XIRP2: variants seen among roughly 807,000 people sequenced by gnomAD.
XIRP2 encodes xin actin-binding repeat-containing protein 2.
A neutral mutation model predicts 277.0 loss-of-function variants in XIRP2; 236 were observed. That is an observed-to-expected ratio of 0.85 (90% confidence interval 0.77 to 0.95). The LOEUF (loss-of-function observed/expected upper bound fraction) is 0.95. Ranked by LOEUF, XIRP2 falls within the 40% of genes least tolerant of loss-of-function variation. The pLI is 0.00. For missense variants in XIRP2, 4,640 were observed against 4,157.5 expected (o/e 1.12, Z -3.19); for synonymous variants, 1,490 against 1,416.5 (o/e 1.05, Z -1.17).
At chr2:167,093,586 T>G (rs1690212166) in intron 2 of XIRP2, among the ~76,000 whole-genome samples, 1 of 152,212 alleles carries the variant, frequency 6.6e-6, no homozygotes, top group Non-Finnish European at 1.5e-5. Flanking sequence ...TCTGTTCCTG[T>G]GTTAGTTTAC....
intron 3 of XIRP2, among the ~76,000 whole-genome samples, chr2:167,176,816 G>C (rs1466222558): frequency 6.6e-6 from 1 of 152,160 alleles, no homozygotes; most frequent in Admixed American, 6.5e-5. Flanking sequence ...AGCAAGTCCT[G>C]GTAGTTGAGT....
At chr2:167,109,676 T>TAC (rs1690701329) in intron 2 of XIRP2, among the ~76,000 whole-genome samples, 1 of 152,208 alleles carries the variant, frequency 6.6e-6, no homozygotes, top group Non-Finnish European at 1.5e-5. Context: ...AACATATATA[T>TAC]GCATGTGTCT....
intron 2 of XIRP2, among the ~76,000 whole-genome samples, chr2:167,033,296 G>T (rs1440754293): frequency 2.0e-5 from 3 of 152,002 alleles, no homozygotes; most frequent in Non-Finnish European, 1.5e-5. Flanking sequence ...TCAGGGTTTG[G>T]GGGTTTAGGG....
rs371590368 is a variant in XIRP2 at position 166,964,562 on chromosome 2, A to G, written c.408+60672A>G. ...ATCTACCAAAATGCATTGACAAGTC[A>G]GTTGAGAATAAGTTGCTCTTGATCC... On this transcript the variant is annotated intron_variant, in intron 2 of 10. Coordinates refer to ENST00000409195, the MANE Select transcript of XIRP2 (RefSeq NM_152381.6). 1.8e-3 allele frequency among the ~76,000 whole-genome samples: 271 copies of G among 151,980 alleles called. 3 individuals carry two copies. The highest frequency in any genetic ancestry group is 6.1e-3 in the African/African-American group (254 of 41,514).
chr2:167,250,359 T>C lies in XIRP2; in HGVS notation c.8967T>C (p.Ser2989=). 1.2e-6 allele frequency: 2 copies of C among 1,613,480 alleles called. No homozygotes were observed. The highest frequency in any genetic ancestry group is 1.7e-6 in the Non-Finnish European group (2 of 1,179,680). The change falls in exon 9 of 11, where the codon AGT becomes AGC. Residue 2989 remains serine, a synonymous_variant. Coordinates refer to ENST00000409195, the MANE Select transcript of XIRP2 (RefSeq NM_152381.6). ...LLNTIPGWLI[S]EDKREYAVHI... ...ATACTATCCCAGGATGGCTGATAAGTGAAGATAAGAGAGAATATGCAGTTC... is the reference window on the plus strand; with the variant it reads ...ATACTATCCCAGGATGGCTGATAAGCGAAGATAAGAGAGAATATGCAGTTC...
chr2:167,214,661 A>G (rs943687326), intron 4 of XIRP2, among the ~76,000 whole-genome samples: 1 of 151,796 alleles, frequency 6.6e-6, no homozygotes, highest in Admixed American at 6.6e-5. Context: ...CTGCCTCCTC[A>G]GTTCAGGCAA....
At chr2:167,071,854 C>G (rs910776168) in intron 2 of XIRP2, among the ~76,000 whole-genome samples, 5 of 152,096 alleles carry the variant, frequency 3.3e-5, no homozygotes, top group Admixed American at 2.6e-4. Flanking sequence ...GAACCATTTG[C>G]CATTCTCAGA....
chr2:167,259,554 T>C lies in XIRP2; in HGVS notation c.*1737T>C. 1.8e-6 allele frequency: 1 copy of C among 541,372 alleles called. No individual in the cohort carries two copies. The highest frequency in any genetic ancestry group is 3.2e-6 in the Non-Finnish European group (1 of 316,714). 33.5% of individuals were successfully genotyped at this position (541,372 alleles called of 1,614,324 possible). A position where few individuals can be genotyped will look rare whatever the true frequency, so the allele number is the denominator to read the frequency against. ...ATTTTTTTCACAATTTATTTACATC[T>C]ACTTTTGTTTGAACTGGAATGAAGA... On this transcript the variant is annotated 3_prime_UTR_variant, in exon 11 of 11. Transcript: ENST00000409195.
intron 2 of XIRP2, among the ~76,000 whole-genome samples, chr2:167,006,068 C>T (rs1227431604): frequency 6.6e-6 from 1 of 151,706 alleles, no homozygotes; most frequent in Non-Finnish European, 1.5e-5. Context: ...CTAGGTACTA[C>T]GTTGATTTTA....
At chr2:166,937,291 G>A (rs1297644495) in intron 2 of XIRP2, among the ~76,000 whole-genome samples, 1 of 152,072 alleles carries the variant, frequency 6.6e-6, no homozygotes. Flanking sequence ...GAGATTTTTA[G>A]CATGAAGGGC....
At position 166,913,319 on chromosome 2, in the gene XIRP2, C is replaced by CA. The variant is rs772338897; in HGVS notation, c.408+9429_408+9430insA. 1.9e-4 allele frequency among the ~76,000 whole-genome samples: 14 copies of CA among 75,298 alleles called. 1 individual carries two copies. Among genetic ancestry groups the CA allele is most frequent in the South Asian group, 1.7e-3 (3 of 1,766 alleles). The allele number at this position is 75,298 out of a possible 152,430, so 49.4% of individuals were successfully genotyped here. A position where few individuals can be genotyped will look rare whatever the true frequency, so the allele number is the denominator to read the frequency against. On this transcript the variant is annotated intron_variant, in intron 2 of 10. Coordinates refer to ENST00000409195, the MANE Select transcript of XIRP2 (RefSeq NM_152381.6). ...CTCAGCAATGGTGGGCACCCCCCCC[C>CA]CCCAGCCTCGCTGCTGCCTTGCAGA...
intron 3 of XIRP2, among the ~76,000 whole-genome samples, chr2:167,174,211 C>G (rs1019548882): frequency 2.6e-5 from 4 of 152,132 alleles, no homozygotes; most frequent in African/African-American, 7.2e-5. Flanking sequence ...GTTTGTACTT[C>G]TGGTAGAATT....
At chr2:167,147,888 C>A (rs575567458) in intron 3 of XIRP2, among the ~76,000 whole-genome samples, 2 of 152,210 alleles carry the variant, frequency 1.3e-5, no homozygotes, top group South Asian at 4.1e-4. Flanking sequence ...ATAATAATAA[C>A]ATAATGCAGA....
At chr2:167,066,957 T>A (rs561814379) in intron 2 of XIRP2, among the ~76,000 whole-genome samples, 14 of 152,274 alleles carry the variant, frequency 9.2e-5, no homozygotes, top group African/African-American at 3.4e-4. Flanking sequence ...TTTTTTCCTT[T>A]GGCTTATTTT....
chr2:167,202,059 C>T (rs923685836), intron 3 of XIRP2, among the ~76,000 whole-genome samples: 2 of 152,104 alleles, frequency 1.3e-5, no homozygotes, highest in Admixed American at 6.5e-5. Flanking sequence ...ACATTATGTT[C>T]ATTAACTGAT....
At chr2:166,933,687 T>C (rs1043109467) in intron 2 of XIRP2, among the ~76,000 whole-genome samples, 1 of 151,866 alleles carries the variant, frequency 6.6e-6, no homozygotes, top group East Asian at 1.9e-4. Context: ...TAAAGTTAAA[T>C]GCAAACAGGA....
chr2:167,124,365 C>G (rs534540744), intron 2 of XIRP2: 1 of 152,172 alleles, frequency 6.6e-6, no homozygotes, highest in East Asian at 1.9e-4. Context: ...TTTTCCTCCT[C>G]TCCCCAGAGG....
chr2:167,079,021 G>A (rs1381872322), intron 2 of XIRP2, among the ~76,000 whole-genome samples: 1 of 152,088 alleles, frequency 6.6e-6, no homozygotes, highest in Admixed American at 6.5e-5. Flanking sequence ...TGATTATTTT[G>A]AGGTATTTCT....
chr2:167,230,237 G>A (rs1030492731), intron 5 of XIRP2, among the ~76,000 whole-genome samples: 6 of 152,104 alleles, frequency 3.9e-5, no homozygotes, highest in African/African-American at 1.4e-4. Flanking sequence ...AAAACATTGG[G>A]AGAGATTGTT....
Sources: gnomAD v4.1 joint callset for allele counts (sites outside exome capture counted in the v4.1 genomes callset) on GRCh38, gnomAD v4.1.1 for gene constraint, MANE v1.5 for transcripts, NCBI Gene and HGNC (gene_info 2026-07-23, HGNC 2026-07-21) for gene names.